Variants in FBXL7 observed in about 807,000 individuals in gnomAD.
The protein encoded by FBXL7 is F-box/LRR-repeat protein 7.
Under a neutral mutation model 38.3 loss-of-function variants are expected in FBXL7, and 12 were observed. The ratio of observed to expected loss-of-function variants is 0.31; its 90% CI spans 0.20 to 0.51. The LOEUF is 0.51. Ranked by LOEUF, FBXL7 falls within the 20% of genes least tolerant of loss-of-function variation. The probability of loss-of-function intolerance (pLI) is 0.98; values close to 1 mark genes in which losing one functional copy is unlikely to be tolerated. For synonymous variants in FBXL7, 297 were observed against 300.9 expected (o/e 0.99, Z 0.13); for missense variants, 567 against 676.4 (o/e 0.84, Z 1.79).
At chr5:15,535,605 GGAAATTTCTAAGGAGCA>G (rs1181588385) in intron 1 of FBXL7, among the ~76,000 whole-genome samples, 1 of 152,136 alleles carries the variant, frequency 6.6e-6, no homozygotes, top group Non-Finnish European at 1.5e-5. Context: ...ATCTGGTGGA[GGAAATTTCTAAGGAGCA>G]GAAATTTCTA....
rs546514034 is a variant in FBXL7, at chr5:15,604,768, C to T, written c.38-11215C>T. Among the ~76,000 whole-genome samples, 93 of 152,238 alleles carry T rather than the reference C, an allele frequency of 6.1e-4. No individual in the cohort carries two copies. In the South Asian group the frequency reaches 0.016, roughly 27 times the overall value. On this transcript the variant is annotated intron_variant, in intron 1 of 3. Coordinates refer to ENST00000504595, the MANE Select transcript of FBXL7 (RefSeq NM_012304.5). ...AGTAGGAATTTCCATTTCACATTTT[C>T]GTTTTGCTTGTGTGGTATTGAGTGG... is the stretch of plus-strand genomic sequence containing the variant.
chr5:15,856,110 G>A (rs1739263281), intron 2 of FBXL7, among the ~76,000 whole-genome samples: 1 of 152,142 alleles, frequency 6.6e-6, no homozygotes, highest in Non-Finnish European at 1.5e-5. Flanking sequence ...TGGCTGGGGA[G>A]ATCTCAGAAT....
intron 1 of FBXL7, among the ~76,000 whole-genome samples, chr5:15,609,840 A>G (rs1385040207): frequency 6.6e-6 from 1 of 152,326 alleles, no homozygotes; most frequent in African/African-American, 2.4e-5. Flanking sequence ...CTGAGGTGAC[A>G]GCAATTCTAC....
chr5:15,705,366 C>G (rs1177783295), intron 2 of FBXL7, among the ~76,000 whole-genome samples: 8 of 152,150 alleles, frequency 5.3e-5, no homozygotes, highest in Non-Finnish European at 1.2e-4. Context: ...CCATACTCTC[C>G]TGAGGGCGAG....
intron 1 of FBXL7, among the ~76,000 whole-genome samples, chr5:15,505,197 C>A (rs34483645): frequency 6.9e-4 from 105 of 152,270 alleles, no homozygotes; most frequent in Non-Finnish European, 1.3e-3. Flanking sequence ...TTTCTATGTC[C>A]GGGCATAATT....
chr5:15,747,009 C>G (rs1249746670), intron 2 of FBXL7, among the ~76,000 whole-genome samples: 1 of 152,070 alleles, frequency 6.6e-6, no homozygotes, highest in Non-Finnish European at 1.5e-5. Flanking sequence ...AAACAATTCA[C>G]AGAGAGTGCT....
In FBXL7 at chr5:15,826,919, G is replaced by A. The variant is rs372187277; in HGVS notation, c.128-100971G>A. On this transcript the variant is annotated intron_variant, in intron 2 of 3. Transcript: ENST00000504595. The stretch of plus-strand genomic sequence containing the variant: ...ACATTCTCCTCTGGGCTGTACCTGT[G>A]GCTTTTTTTTTTTTCCACGAGAAAT... Among the ~76,000 whole-genome samples, 86 of 150,306 alleles carry A rather than the reference G, an allele frequency of 5.7e-4. 1 individual carries two copies. The highest frequency in any genetic ancestry group is 2.0e-3 in the African/African-American group (82 of 40,866).
chr5:15,766,386 T>G (rs1736593750), intron 2 of FBXL7, among the ~76,000 whole-genome samples: 3 of 152,222 alleles, frequency 2.0e-5, no homozygotes, highest in Admixed American at 6.5e-5. Context: ...TATGTCTTAA[T>G]TTTTGTATCC....
chr5:15,536,422 C>G (rs544270111), intron 1 of FBXL7, among the ~76,000 whole-genome samples: 2 of 152,346 alleles, frequency 1.3e-5, no homozygotes, highest in Admixed American at 1.3e-4. Context: ...TGGCTGTGCC[C>G]TGCAGAGCGA....
intron 1 of FBXL7, among the ~76,000 whole-genome samples, chr5:15,561,449 T>C (rs1738414496): frequency 6.6e-6 from 1 of 152,172 alleles, no homozygotes; most frequent in South Asian, 2.1e-4. Context: ...ACCACATCTT[T>C]ATGCATTCAT....
chr5:15,913,649 G>A lies in FBXL7; in HGVS notation c.128-14241G>A, dbSNP rs143210729. 1.0e-3 allele frequency among the ~76,000 whole-genome samples: 159 copies of A among 152,162 alleles called. 1 individual carries two copies. Among genetic ancestry groups the A allele is most frequent in the African/African-American group, 3.7e-3 (154 of 41,512 alleles). On this transcript the variant is annotated intron_variant, in intron 2 of 3. Coordinates refer to ENST00000504595, the MANE Select transcript of FBXL7 (RefSeq NM_012304.5). ...CGTTGGAATTTTGTAACTATTCATG[G>A]GGAAATGAGACTAAAGAATTATCTG...
intron 2 of FBXL7, among the ~76,000 whole-genome samples, chr5:15,808,422 G>A (rs1737772877): frequency 6.6e-6 from 1 of 151,964 alleles, no homozygotes; most frequent in Non-Finnish European, 1.5e-5. Context: ...AGCCAATGAG[G>A]GTTTCTTCCC....
intron 2 of FBXL7, among the ~76,000 whole-genome samples, chr5:15,833,452 A>G (rs1234341947): frequency 6.6e-6 from 1 of 152,200 alleles, no homozygotes; most frequent in Non-Finnish European, 1.5e-5. Context: ...AAATTTCAAC[A>G]TATGAATTTT....
At chr5:15,759,656 C>T (rs1736389927) in intron 2 of FBXL7, among the ~76,000 whole-genome samples, 2 of 152,064 alleles carry the variant, frequency 1.3e-5, no homozygotes, top group African/African-American at 4.8e-5. Flanking sequence ...TTATATTGTT[C>T]TCTGATAGGT....
intron 2 of FBXL7, among the ~76,000 whole-genome samples, chr5:15,658,235 T>C (rs1256949120): frequency 2.6e-5 from 4 of 152,174 alleles, no homozygotes; most frequent in Non-Finnish European, 5.9e-5. Flanking sequence ...TCCTTGAAAC[T>C]TTTGCCATCT....
chr5:15,689,470 G>C (rs1444066391), intron 2 of FBXL7, among the ~76,000 whole-genome samples: 2 of 152,022 alleles, frequency 1.3e-5, no homozygotes, highest in African/African-American at 4.8e-5. Flanking sequence ...AAAAATAGCT[G>C]CTACCTGCGG....
chr5:15,883,604 G>A (rs1027400594), intron 2 of FBXL7, among the ~76,000 whole-genome samples: 14 of 152,186 alleles, frequency 9.2e-5, no homozygotes, highest in Middle Eastern at 3.2e-3. Flanking sequence ...GGGGCAGAAA[G>A]TCCAAAATGT....
chr5:15,631,428 G>A (rs1193711513), intron 2 of FBXL7, among the ~76,000 whole-genome samples: 2 of 152,082 alleles, frequency 1.3e-5, no homozygotes, highest in African/African-American at 4.8e-5. Flanking sequence ...GGGCGTGGTG[G>A]CTCACGCCTG....
intron 2 of FBXL7, among the ~76,000 whole-genome samples, chr5:15,758,124 AGACT>A (rs1463086626): frequency 6.6e-6 from 1 of 152,074 alleles, no homozygotes; most frequent in East Asian, 1.9e-4. Flanking sequence ...ATTTTTCCAA[AGACT>A]GGGGCCTCTT....
Sources: allele counts gnomAD v4.1 joint callset (sites outside exome capture counted in the v4.1 genomes callset), GRCh38; gene constraint gnomAD v4.1.1; transcripts MANE v1.5; gene names NCBI Gene and HGNC (gene_info 2026-07-23, HGNC 2026-07-21).